COL22A1: variants seen among roughly 807,000 people sequenced by gnomAD.
COL22A1 encodes collagen type XXII alpha 1 chain, also known as collagen alpha-1(XXII) chain.
A neutral mutation model predicts 248.9 loss-of-function variants in COL22A1; 221 were observed. That is an observed-to-expected ratio of 0.89 (90% confidence interval 0.80 to 0.99). The LOEUF (loss-of-function observed/expected upper bound fraction) is 0.99. Ranked by LOEUF, COL22A1 falls within the 50% of genes least tolerant of loss-of-function variation. The pLI is 0.00. For synonymous variants in COL22A1, 891 were observed against 793.4 expected (o/e 1.12, Z -2.07); for missense variants, 2,240 against 2,179.0 (o/e 1.03, Z -0.56).
intron 32 of COL22A1, among the ~76,000 whole-genome samples, chr8:138,699,332 T>C (rs904707171): frequency 2.6e-5 from 4 of 152,204 alleles, no homozygotes; most frequent in African/African-American, 9.7e-5. Flanking sequence ...GCTTTTAAAA[T>C]GGAATCGACT....
rs147719019 is a variant in COL22A1, at chr8:138,766,938, T to C, written c.1804-4472A>G. ...CACTGGCTACACAAATGCAGCTGAG[T>C]GCAGGCTTCGGCTCCTGCAGACTGA... is the stretch of plus-strand genomic sequence containing the variant. On this transcript the variant is annotated intron_variant, in intron 16 of 64. Coordinates refer to ENST00000303045, the MANE Select transcript of COL22A1 (RefSeq NM_152888.3). Among the ~76,000 whole-genome samples, 421 of 152,268 alleles carry C rather than the reference T, an allele frequency of 2.8e-3. 1 individual carries two copies. Among genetic ancestry groups the C allele is most frequent in the African/African-American group, 9.4e-3 (390 of 41,556 alleles).
rs1817600646 is a variant in COL22A1, at chr8:138,597,029, C to T, written c.4366-59G>A. The T allele has an allele frequency of 3.4e-6, 5 of 1,467,608 alleles. No individual in the cohort carries two copies. In the East Asian group the frequency reaches 9.1e-5, roughly 27 times the overall value. 90.9% of individuals were successfully genotyped at this position (1,467,608 alleles called of 1,614,324 possible). On this transcript the variant is annotated intron_variant, in intron 61 of 64. Coordinates refer to ENST00000303045, the MANE Select transcript of COL22A1 (RefSeq NM_152888.3). ...CCCAGTAACTTCTGCCACCTAAGAA[C>T]CCTGAGGACTTGGGAAACCAGGAAG...
chr8:138,666,895 T>C (rs535538970), intron 41 of COL22A1, among the ~76,000 whole-genome samples: 52 of 152,364 alleles, frequency 3.4e-4, no homozygotes, highest in African/African-American at 1.2e-3. Flanking sequence ...TTATCAATCA[T>C]CAGCTGTTTG....
intron 37 of COL22A1, among the ~76,000 whole-genome samples, chr8:138,685,895 G>A (rs1826310039): frequency 6.6e-6 from 1 of 152,114 alleles, no homozygotes; most frequent in African/African-American, 2.4e-5. Flanking sequence ...CATGGAAAAG[G>A]AAAGGACGTT....
intron 23 of COL22A1, among the ~76,000 whole-genome samples, chr8:138,736,124 A>C (rs2131247093): frequency 6.6e-6 from 1 of 152,050 alleles, no homozygotes; most frequent in African/African-American, 2.4e-5. Context: ...CACCTCTCAT[A>C]GTCACTGCTC....
intron 10 of COL22A1, among the ~76,000 whole-genome samples, chr8:138,805,946 G>A: frequency 7.1e-6 from 1 of 140,044 alleles, no homozygotes; most frequent in Non-Finnish European, 1.6e-5. Context: ...GTGTGTGATG[G>A]TATATTATGG....
At chr8:138,762,230 G>C (rs1833545627) in intron 17 of COL22A1, among the ~76,000 whole-genome samples, 183 bp downstream of exon 17, 1 of 152,108 alleles carries the variant, frequency 6.6e-6, no homozygotes, top group African/African-American at 2.4e-5. Flanking sequence ...CTCCAGCTCT[G>C]GGGTTCGCAG....
At chr8:138,716,689 G>A (rs1280619586) in intron 28 of COL22A1, 136 bp downstream of exon 28, 5 of 687,874 alleles carry the variant, frequency 7.3e-6, no homozygotes, top group Non-Finnish European at 1.0e-5. Context: ...TCAATGTCCA[G>A]TTTATCCTGG....
chr8:138,885,041 C>G (rs1824545837), intron 1 of COL22A1, among the ~76,000 whole-genome samples: 1 of 152,202 alleles, frequency 6.6e-6, no homozygotes, highest in South Asian at 2.1e-4. Context: ...CACGCACACA[C>G]ACACAGGGGA....
chr8:138,743,103 TGAG>T (rs1315508014), intron 22 of COL22A1, among the ~76,000 whole-genome samples: 1 of 149,162 alleles, frequency 6.7e-6, no homozygotes, highest in South Asian at 2.2e-4. Context: ...GTGGAGTTGA[TGAG>T]GGTGATGGTG....
chr8:138,674,778 C>A (rs1288524957), intron 41 of COL22A1, among the ~76,000 whole-genome samples: 1 of 152,068 alleles, frequency 6.6e-6, no homozygotes, highest in East Asian at 1.9e-4. Context: ...CACTTACAAC[C>A]CTTTCTCTAT....
chr8:138,634,723 C>T (rs751142688), intron 49 of COL22A1, among the ~76,000 whole-genome samples: 15 of 152,148 alleles, frequency 9.9e-5, no homozygotes, highest in Admixed American at 6.5e-4. Flanking sequence ...GCTTCCTACC[C>T]ACCAAAGCTC....
chr8:138,827,809 A>G (rs1318643940), intron 5 of COL22A1, among the ~76,000 whole-genome samples: 1 of 149,164 alleles, frequency 6.7e-6, no homozygotes, highest in African/African-American at 2.5e-5. Flanking sequence ...TGTATCATGT[A>G]CAGGGCACCT....
At chr8:138,901,145 G>A (rs1256429463) in intron 1 of COL22A1, among the ~76,000 whole-genome samples, 1 of 146,636 alleles carries the variant, frequency 6.8e-6, no homozygotes, top group Non-Finnish European at 1.5e-5. Context: ...TTTGAAAGAA[G>A]TTTCATTAAA....
At chr8:138,650,897 C>G (rs990840330) in intron 45 of COL22A1, among the ~76,000 whole-genome samples, 1 of 152,154 alleles carries the variant, frequency 6.6e-6, no homozygotes, top group African/African-American at 2.4e-5. Context: ...TTGAAGAGCT[C>G]TCAGTTCAAC....
chr8:138,661,918 C>T (rs1016695527), intron 43 of COL22A1, 112 bp downstream of exon 43: 37 of 663,406 alleles, frequency 5.6e-5, no homozygotes, highest in South Asian at 2.1e-4. Context: ...AATCCTCAAC[C>T]GGGCTACAAA....
intron 22 of COL22A1, among the ~76,000 whole-genome samples, chr8:138,741,066 C>A (rs1239326182): frequency 6.6e-6 from 1 of 152,178 alleles, no homozygotes; most frequent in Non-Finnish European, 1.5e-5. Flanking sequence ...ACCATCATCT[C>A]CTAAGCAAGA....
At chr8:138,620,977 C>G (rs1819745175) in intron 52 of COL22A1, among the ~76,000 whole-genome samples, 1 of 121,732 alleles carries the variant, frequency 8.2e-6, no homozygotes, top group Non-Finnish European at 1.9e-5. Context: ...ATCCATCCAT[C>G]CATCCATCCA....
intron 5 of COL22A1, among the ~76,000 whole-genome samples, chr8:138,831,890 T>A (rs373487686): frequency 1.3e-5 from 2 of 152,054 alleles, no homozygotes; most frequent in African/African-American, 4.8e-5. Context: ...AGGAGCTGGG[T>A]AAAATGAGGC....
Sources: gnomAD v4.1 joint callset for allele counts (sites outside exome capture counted in the v4.1 genomes callset) on GRCh38, gnomAD v4.1.1 for gene constraint, MANE v1.5 for transcripts, NCBI Gene and HGNC (gene_info 2026-07-23, HGNC 2026-07-21) for gene names.